Variants in HDAC4 observed in about 807,000 individuals in gnomAD.
HDAC4 encodes histone deacetylase 4, also known as histone deacetylase A.
A neutral mutation model predicts 135.1 loss-of-function variants in HDAC4; 16 were observed. The observed-to-expected ratio is 0.12, with a 90% CI of 0.08 to 0.18. The LOEUF is 0.18. Among genes scored for constraint, HDAC4 ranks in the 10% least tolerant of loss-of-function variants. HDAC4 has a pLI of 1.00. For missense variants in HDAC4, 1,143 were observed against 1,511.8 expected (o/e 0.76, Z 4.05); for synonymous variants, 685 against 653.4 (o/e 1.05, Z -0.74).
chr2:239,137,876 T>C (rs1367234257), intron 9 of HDAC4, among the ~76,000 whole-genome samples: 1 of 152,252 alleles, frequency 6.6e-6, no homozygotes, highest in Non-Finnish European at 1.5e-5. Context: ...TGGTATTTCC[T>C]GTAACTCCTT....
At chr2:239,386,740 C>T (rs1164459701) in intron 1 of HDAC4, among the ~76,000 whole-genome samples, 1 of 152,226 alleles carries the variant, frequency 6.6e-6, no homozygotes, top group Non-Finnish European at 1.5e-5. Flanking sequence ...AGACACAGTA[C>T]CGAGAACTTC....
chr2:239,268,326 G>A (rs1447526806), intron 2 of HDAC4, among the ~76,000 whole-genome samples: 1 of 152,196 alleles, frequency 6.6e-6, no homozygotes, highest in Non-Finnish European at 1.5e-5. Context: ...GAAGGAGCAG[G>A]GCCCATTCCA....
In HDAC4 at chr2:239,392,255, G is replaced by A. The variant is rs376314228; in HGVS notation, c.-220+8723C>T. On this transcript the variant is annotated intron_variant, in intron 1 of 26. Coordinates refer to ENST00000543185, the MANE Select transcript of HDAC4 (RefSeq NM_001378414.1). ...AGGAAAGCAAGCTGCTTCAGGGCAG[G>A]CACTCGAAAGGCGAGAAGACACAGG... Among the ~76,000 whole-genome samples, 6 of 152,232 alleles carry A rather than the reference G, an allele frequency of 3.9e-5. No homozygotes were observed. The East Asian group carries it at 9.6e-4, about 24-fold the overall frequency.
At position 239,074,072 on chromosome 2, in the gene HDAC4, AGGGGGCCACAGGACTGAG is replaced by A. The variant is rs1161602213; in HGVS notation, c.2751-5483_2751-5466del. Reference sequence around the variant, plus strand: ...AGGACTGAGTGGGGAAGCAGGACTGAGGGGGCCACAGGACTGAGGGGGGCCGCAGGACTGAGGGGGCCG... The same window carrying A: ...AGGACTGAGTGGGGAAGCAGGACTGAGGGGGCCGCAGGACTGAGGGGGCCG... On this transcript the variant is annotated intron_variant, in intron 22 of 26. Coordinates refer to ENST00000543185, the MANE Select transcript of HDAC4 (RefSeq NM_001378414.1). Among the ~76,000 whole-genome samples, 8 of 140,202 alleles carry A rather than the reference AGGGGGCCACAGGACTGAG, an allele frequency of 5.7e-5. 1 individual carries two copies. Among genetic ancestry groups the A allele is most frequent in the African/African-American group, 2.1e-4 (8 of 37,514 alleles). 92.0% of individuals were successfully genotyped at this position (140,202 alleles called of 152,430 possible). A position where few individuals can be genotyped will look rare whatever the true frequency, so the allele number is the denominator to read the frequency against.
intron 2 of HDAC4, among the ~76,000 whole-genome samples, chr2:239,275,851 G>GGTGCCAC (rs1204343816): frequency 6.6e-6 from 1 of 152,214 alleles, no homozygotes; most frequent in Non-Finnish European, 1.5e-5. Context: ...AGCTCCTCAT[G>GGTGCCAC]GTGCCACGTG....
intron 2 of HDAC4, among the ~76,000 whole-genome samples, chr2:239,332,318 G>A (rs1204536669): frequency 6.6e-6 from 1 of 152,154 alleles, no homozygotes; most frequent in African/African-American, 2.4e-5. Context: ...TACATAAAAT[G>A]TTGACAAAAC....
chr2:239,230,380 A>G (rs1559257485), intron 3 of HDAC4, among the ~76,000 whole-genome samples: 1 of 149,966 alleles, frequency 6.7e-6, no homozygotes, highest in African/African-American at 2.5e-5. Context: ...AAAAAAAAAA[A>G]AAAAAAAAAA....
chr2:239,204,515 G>A (rs73098716), intron 3 of HDAC4, among the ~76,000 whole-genome samples: 3,439 of 152,282 alleles, frequency 0.023, 111 homozygotes, highest in African/African-American at 0.073. Flanking sequence ...GCTCTGATTC[G>A]GATCACGTCC....
At chr2:239,074,447 C>A (rs1281256458) in intron 22 of HDAC4, among the ~76,000 whole-genome samples, 2 of 152,222 alleles carry the variant, frequency 1.3e-5, no homozygotes, top group Admixed American at 6.5e-5. Flanking sequence ...GAAGTTCATA[C>A]CAAGAGAGTC....
In HDAC4 at chr2:239,255,616, A is replaced by G. The variant is rs565818222; in HGVS notation, c.23-18952T>C. 3.9e-5 allele frequency among the ~76,000 whole-genome samples: 6 copies of G among 152,326 alleles called. No individual in the cohort carries two copies. In the South Asian group the frequency reaches 1.2e-3, roughly 32 times the overall value. ...GCACCAAAACACTTGACACGCCAAC[A>G]TGCCACAGCCTTGGCTTCTTCTCAT... On this transcript the variant is annotated intron_variant, in intron 2 of 26. Coordinates refer to ENST00000543185, the MANE Select transcript of HDAC4 (RefSeq NM_001378414.1).
chr2:239,258,107 G>C (rs1425044043), intron 2 of HDAC4, among the ~76,000 whole-genome samples: 3 of 152,170 alleles, frequency 2.0e-5, no homozygotes, highest in Non-Finnish European at 4.4e-5. Flanking sequence ...AACTTGAAAA[G>C]AGAATTCTAG....
chr2:239,258,412 G>T (rs531387352), intron 2 of HDAC4, among the ~76,000 whole-genome samples: 2 of 152,268 alleles, frequency 1.3e-5, no homozygotes, highest in South Asian at 2.1e-4. Flanking sequence ...GGCCGTGGAG[G>T]GGGAGGGGGG....
At chr2:239,399,766 C>T (rs540949877) in intron 1 of HDAC4, among the ~76,000 whole-genome samples, 56 of 152,306 alleles carry the variant, frequency 3.7e-4, no homozygotes, top group Non-Finnish European at 6.0e-4. Flanking sequence ...CAGAACTGCT[C>T]TCAGCAAGCA....
rs549860967 is a variant in HDAC4 at position 239,299,979 on chromosome 2, T to C, written c.22+52699A>G. Among the ~76,000 whole-genome samples the C allele has an allele frequency of 2.0e-5, 3 of 152,264 alleles. No individual in the cohort carries two copies. The highest frequency in any genetic ancestry group is 1.3e-4 in the Admixed American group (2 of 15,292). ...GGACTCCCTGCAGTGCTCCATGAAT[T>C]TCTCCCGAATTCCATCCGTAAGTGC... On this transcript the variant is annotated intron_variant, in intron 2 of 26. Transcript: ENST00000543185. This position sits in a 1 kb window ranked among gnomAD's most constrained non-coding sequence, Gnocchi z 4.0.
At chr2:239,102,926 C>T (rs758674084) in intron 15 of HDAC4, 30 bp from the exon 16 acceptor site, 36 of 1,613,294 alleles carry the variant, frequency 2.2e-5, no homozygotes, top group Non-Finnish European at 2.7e-5. Context: ...GACACTCACA[C>T]GTTCTGCAGA....
chr2:239,305,424 G>A (rs961342929), intron 2 of HDAC4: 1 of 152,666 alleles, frequency 6.6e-6, no homozygotes, highest in Non-Finnish European at 1.5e-5. Context: ...TGGGTCCGCG[G>A]CTCCATTACG....
At chr2:239,274,812 AGGCCT>A (rs1329793693) in intron 2 of HDAC4, among the ~76,000 whole-genome samples, 1 of 152,176 alleles carries the variant, frequency 6.6e-6, no homozygotes, top group African/African-American at 2.4e-5. Flanking sequence ...GCCCTTCCCT[AGGCCT>A]GGCCTGGCCC....
intron 24 of HDAC4, among the ~76,000 whole-genome samples, chr2:239,066,103 T>C (rs62189532): frequency 0.18 from 27,247 of 152,200 alleles, 2,728 homozygotes; most frequent in African/African-American, 0.25. Flanking sequence ...CCCAGCGTCA[T>C]GCTGGAATGG....
Position 239,167,729 on chromosome 2 carries a change from T to TC in HDAC4, c.491-3807_491-3806insG, listed in dbSNP as rs2043196703. Among the ~76,000 whole-genome samples the TC allele has an allele frequency of 6.7e-6, 1 of 148,162 alleles. No individual in the cohort carries two copies. The highest frequency in any genetic ancestry group is 2.5e-5 in the African/African-American group (1 of 40,096). On this transcript the variant is annotated intron_variant, in intron 5 of 26. Coordinates refer to ENST00000543185, the MANE Select transcript of HDAC4 (RefSeq NM_001378414.1). The surrounding 1 kb of genome is among the most constrained non-coding windows in gnomAD (Gnocchi z 4.1). Reference sequence around the variant, plus strand: ...GATCTCCCTAATTTTTACTTTTACTTTTTTTTTTTTTTTCTTAATTCACAT... The same window carrying TC: ...GATCTCCCTAATTTTTACTTTTACTTCTTTTTTTTTTTTTCTTAATTCACAT...
Sources: gnomAD v4.1 joint callset for allele counts (sites outside exome capture counted in the v4.1 genomes callset) on GRCh38, gnomAD v4.1.1 for gene constraint, Gnocchi (gnomAD v3.1) non-coding constraint, MANE v1.5 for transcripts, NCBI Gene and HGNC (gene_info 2026-07-23, HGNC 2026-07-21) for gene names.